The following CFAP20DC variants were observed in gnomAD, a reference collection of about 807,000 sequenced individuals.
CFAP20DC encodes CFAP20 domain containing.
Under a neutral mutation model 101.7 loss-of-function variants are expected in CFAP20DC, and 84 were observed. The observed-to-expected ratio is 0.83, with a 90% CI of 0.69 to 0.99. The LOEUF is 0.99. Ranked by LOEUF, CFAP20DC falls within the 50% of genes least tolerant of loss-of-function variation. CFAP20DC has a pLI of 0.00. For synonymous variants in CFAP20DC, 359 were observed against 351.2 expected (o/e 1.02, Z -0.25); for missense variants, 1,007 against 970.3 (o/e 1.04, Z -0.50).
chr3:58,870,416 C>T lies in CFAP20DC; in HGVS notation c.716-107G>A, dbSNP rs571075774. On this transcript the variant is annotated intron_variant, in intron 7 of 16. Coordinates refer to ENST00000482387, the MANE Select transcript of CFAP20DC (RefSeq NM_001394063.1). ...GTCCAGGTGCCATAGGATCCAAATC[C>T]CCCCTCCCCCCTCAGCATGTATTAA... The T allele has an allele frequency of 2.9e-4, 303 of 1,027,344 alleles. 2 individuals carry two copies. The African/African-American group carries it at 4.1e-3, about 14-fold the overall frequency. The allele number at this position is 1,027,344 out of a possible 1,614,324, so 63.6% of individuals were successfully genotyped here.
At chr3:59,041,156 G>C (rs1699346660) in intron 3 of CFAP20DC, among the ~76,000 whole-genome samples, 1 of 152,080 alleles carries the variant, frequency 6.6e-6, no homozygotes, top group Admixed American at 6.6e-5. Context: ...ATAGAGCTGA[G>C]AGAACAGCAG....
intron 14 of CFAP20DC, among the ~76,000 whole-genome samples, chr3:58,808,485 A>T (rs2074309549): frequency 3.3e-5 from 5 of 152,226 alleles, no homozygotes; most frequent in Admixed American, 3.3e-4. Flanking sequence ...GTGAAGGAGA[A>T]ATAAAATCCT....
rs1184807194 is a variant in CFAP20DC at position 58,742,457 on chromosome 3, G to C, written c.*3C>G. 6.3e-7 allele frequency: 1 copy of C among 1,596,064 alleles called. No homozygotes were observed. The highest frequency in any genetic ancestry group is 1.3e-5 in the African/African-American group (1 of 74,194). ...TGCCTGCTCTCTGCCCCGGAAGGAGGCATTATACCAACTCATAGTATTTCC... is the reference window on the plus strand; with the variant it reads ...TGCCTGCTCTCTGCCCCGGAAGGAGCCATTATACCAACTCATAGTATTTCC... On this transcript the variant is annotated 3_prime_UTR_variant, in exon 17 of 17. Transcript: ENST00000482387.
At chr3:59,044,110 AC>A (rs1369223236) in intron 3 of CFAP20DC, among the ~76,000 whole-genome samples, 1 of 152,162 alleles carries the variant, frequency 6.6e-6, no homozygotes, top group Non-Finnish European at 1.5e-5. Flanking sequence ...TCATTACTAA[AC>A]TTTCTTCCTA....
chr3:58,780,130 GA>G (rs1228888137), intron 15 of CFAP20DC, among the ~76,000 whole-genome samples: 1 of 152,030 alleles, frequency 6.6e-6, no homozygotes, highest in Non-Finnish European at 1.5e-5. Flanking sequence ...CTTCATAAAT[GA>G]AAGAGAAGTA....
chr3:58,890,319 C>T (rs1354331273), intron 6 of CFAP20DC, among the ~76,000 whole-genome samples: 3 of 144,394 alleles, frequency 2.1e-5, no homozygotes, highest in Non-Finnish European at 4.6e-5. Flanking sequence ...CTGACCCCCC[C>T]ACCTCCCTCC....
chr3:58,824,746 A>G (rs2107967912), intron 14 of CFAP20DC, among the ~76,000 whole-genome samples: 1 of 152,162 alleles, frequency 6.6e-6, no homozygotes, highest in East Asian at 1.9e-4. Context: ...GCAACATGCC[A>G]TGTTGATGGA....
chr3:58,794,330 G>A (rs1381954148), intron 15 of CFAP20DC: 2 of 455,618 alleles, frequency 4.4e-6, no homozygotes, highest in Non-Finnish European at 8.8e-6. Context: ...GGACCTAAAG[G>A]CTTTTAAAAA....
chr3:58,976,266 G>A (rs1375183728), intron 4 of CFAP20DC, among the ~76,000 whole-genome samples: 1 of 152,184 alleles, frequency 6.6e-6, no homozygotes, highest in Non-Finnish European at 1.5e-5. Flanking sequence ...AATTCTGGAA[G>A]GAGGCAAAAG....
chr3:58,764,341 T>C (rs899822031), intron 15 of CFAP20DC, among the ~76,000 whole-genome samples: 2 of 152,160 alleles, frequency 1.3e-5, no homozygotes, highest in African/African-American at 4.8e-5. Flanking sequence ...GAGCCAGGCG[T>C]GGGATATAAT....
At chr3:58,768,612 A>G (rs2070551859) in intron 15 of CFAP20DC, among the ~76,000 whole-genome samples, 1 of 152,190 alleles carries the variant, frequency 6.6e-6, no homozygotes, top group Non-Finnish European at 1.5e-5. Flanking sequence ...TCTGGTCTCT[A>G]TATAATCCAA....
chr3:58,846,676 T>G (rs1187427382), intron 13 of CFAP20DC, among the ~76,000 whole-genome samples: 1 of 151,872 alleles, frequency 6.6e-6, no homozygotes, highest in Non-Finnish European at 1.5e-5. Flanking sequence ...TTAAAGTTTA[T>G]ATGGAACCAA....
intron 12 of CFAP20DC, chr3:58,862,083 C>T: frequency 1.0e-6 from 1 of 963,896 alleles, no homozygotes; most frequent in South Asian, 4.8e-5. Context: ...GAGGTAAGTT[C>T]TTCATGTGGT....
At chr3:58,970,836 G>T (rs2091905691) in intron 4 of CFAP20DC, 1 of 152,008 alleles carries the variant, frequency 6.6e-6, no homozygotes, top group South Asian at 2.1e-4. Context: ...GCTTCTAATT[G>T]CTTTGTCAGC....
chr3:58,888,400 C>CT (rs1019569593), intron 6 of CFAP20DC, among the ~76,000 whole-genome samples: 8 of 151,500 alleles, frequency 5.3e-5, no homozygotes, highest in East Asian at 1.9e-4. Context: ...ACAAATAATT[C>CT]TTTTTTTTTC....
At chr3:58,816,895 A>G (rs898846203) in intron 14 of CFAP20DC, among the ~76,000 whole-genome samples, 2 of 152,188 alleles carry the variant, frequency 1.3e-5, no homozygotes, top group Non-Finnish European at 2.9e-5. Flanking sequence ...TCCCTGTCTG[A>G]CAGCTTGGAA....
rs1274039039 is a variant in CFAP20DC, at chr3:58,971,751, A to T, written c.279-33989T>A. 1.3e-5 allele frequency among the ~76,000 whole-genome samples: 2 copies of T among 152,120 alleles called. No homozygotes were observed. Among genetic ancestry groups the T allele is most frequent in the Admixed American group, 6.6e-5 (1 of 15,228 alleles). Reference sequence around the variant, plus strand: ...ATTTAGTAGTATGGAAATCGTCTCAAGGCAGGTAACAGAGAAAGCCCCACT... The same window carrying T: ...ATTTAGTAGTATGGAAATCGTCTCATGGCAGGTAACAGAGAAAGCCCCACT... On this transcript the variant is annotated intron_variant, in intron 4 of 16. Coordinates refer to ENST00000482387, the MANE Select transcript of CFAP20DC (RefSeq NM_001394063.1). The surrounding 1 kb of genome is among the most constrained non-coding windows in gnomAD (Gnocchi z 4.1).
chr3:58,815,693 G>A (rs2075066108), intron 14 of CFAP20DC, among the ~76,000 whole-genome samples: 1 of 151,046 alleles, frequency 6.6e-6, no homozygotes, highest in Non-Finnish European at 1.5e-5. Flanking sequence ...TCAAAAAGTG[G>A]GCGAAGGACA....
chr3:58,848,294 A>T (rs2077902381), intron 13 of CFAP20DC, among the ~76,000 whole-genome samples: 1 of 152,070 alleles, frequency 6.6e-6, no homozygotes, highest in Admixed American at 6.6e-5. Context: ...CAATTAATCC[A>T]CTCTAACTTG....
Sources: allele counts gnomAD v4.1 joint callset (sites outside exome capture counted in the v4.1 genomes callset), GRCh38; gene constraint gnomAD v4.1.1; non-coding constraint Gnocchi (gnomAD v3.1); transcripts MANE v1.5; gene names NCBI Gene and HGNC (gene_info 2026-07-23, HGNC 2026-07-21).